CUX1: variants seen among roughly 807,000 people sequenced by gnomAD.
The protein encoded by CUX1 is cut like homeobox 1.
CUX1 carries 31 observed loss-of-function variants against 158.8 expected under a neutral mutation model. The observed-to-expected ratio is 0.20, with a 90% confidence interval of 0.15 to 0.26. The LOEUF (loss-of-function observed/expected upper bound fraction) is 0.26. CUX1 is among the 10% of genes least tolerant of loss of function. The pLI is 1.00. For synonymous variants in CUX1, 879 were observed against 862.1 expected, an observed-to-expected ratio of 1.02 and a Z score of -0.34; for missense variants, 1,589 against 2,014.6, an observed-to-expected ratio of 0.79 and a Z score of 4.04.
intron 8 of CUX1, among the ~76,000 whole-genome samples, chr7:102,129,528 A>G (rs1554496480): frequency 6.6e-6 from 1 of 152,102 alleles, no homozygotes; most frequent in South Asian, 2.1e-4. Flanking sequence ...TACTAAAAAT[A>G]CAAAAATTAG....
intron 2 of CUX1, among the ~76,000 whole-genome samples, chr7:101,944,593 A>G (rs1200383735): frequency 1.3e-5 from 2 of 152,136 alleles, no homozygotes; most frequent in East Asian, 1.9e-4. Context: ...ACTTTGGTGC[A>G]TTTCTCAAAT....
chr7:101,941,235 A>G (rs1435110028), intron 2 of CUX1, among the ~76,000 whole-genome samples: 1 of 152,216 alleles, frequency 6.6e-6, no homozygotes, highest in Non-Finnish European at 1.5e-5. Flanking sequence ...GGGGAGACCC[A>G]GAAGCCATGC....
chr7:101,979,309 G>T (rs1178583660), intron 2 of CUX1, among the ~76,000 whole-genome samples: 1 of 152,328 alleles, frequency 6.6e-6, no homozygotes, highest in Non-Finnish European at 1.5e-5. Context: ...CCTGGAGCAG[G>T]TCATCACCCA....
chr7:102,256,745 G>A lies in CUX1; in HGVS notation c.*7703G>A. ...CTAGAGCCTCTGGTAAGACTTCTGG[G>A]TTCATGAAGTTTCGGCGAGCCGTGG... On this transcript the variant is annotated 3_prime_UTR_variant, in exon 24 of 24. Coordinates refer to ENST00000292535, the MANE Select transcript of CUX1 (RefSeq NM_181552.4). 6.1e-6 allele frequency: 6 copies of A among 985,458 alleles called. No individual in the cohort carries two copies. Among genetic ancestry groups the A allele is most frequent in the Non-Finnish European group, 7.2e-6 (6 of 829,966 alleles). 61.0% of individuals were successfully genotyped at this position (985,458 alleles called of 1,614,324 possible).
chr7:102,144,720 T>C (rs1314599606), intron 8 of CUX1, among the ~76,000 whole-genome samples: 2 of 151,510 alleles, frequency 1.3e-5, no homozygotes, highest in African/African-American at 4.9e-5. Context: ...TTTTTTAATA[T>C]GATCAGGTAA....
At chr7:101,842,362 T>G (rs1462449351) in intron 1 of CUX1, among the ~76,000 whole-genome samples, 1 of 152,244 alleles carries the variant, frequency 6.6e-6, no homozygotes, top group African/African-American at 2.4e-5. Flanking sequence ...CACTGTTTCT[T>G]TGATAATTTT....
At chr7:102,180,369 T>G (rs1792900117) in intron 11 of CUX1, among the ~76,000 whole-genome samples, 1 of 142,024 alleles carries the variant, frequency 7.0e-6, no homozygotes, top group Non-Finnish European at 1.5e-5. Flanking sequence ...CAGACTGGAG[T>G]GCAGTGACAG....
downstream of CUX1, among the ~76,000 whole-genome samples, chr7:102,262,429 T>TGGATGGATGGATGGATGGATGGATG (rs1554544083): frequency 4.0e-5 from 5 of 124,856 alleles, no homozygotes; most frequent in South Asian, 2.4e-4. Flanking sequence ...GATGGATGGA[T>TGGATGGATGGATGGATGGATGGATG]AACTCACAGG....
intron 2 of CUX1, among the ~76,000 whole-genome samples, chr7:101,990,667 G>A (rs1814990259): frequency 1.3e-5 from 2 of 151,958 alleles, no homozygotes; most frequent in Non-Finnish European, 2.9e-5. Context: ...GTGAGTCACC[G>A]CGCCTGGCCC....
chr7:102,174,076 T>A (rs1215888958), intron 10 of CUX1, among the ~76,000 whole-genome samples: 1 of 152,150 alleles, frequency 6.6e-6, no homozygotes, highest in East Asian at 1.9e-4. Flanking sequence ...AGTGAGCTGC[T>A]GGCCCAAGTT....
intron 1 of CUX1, among the ~76,000 whole-genome samples, chr7:101,899,004 G>T (rs952403504): frequency 1.3e-5 from 2 of 152,236 alleles, no homozygotes; most frequent in African/African-American, 4.8e-5. Context: ...GGCTATTTGT[G>T]CATGGCTGCC....
chr7:102,160,079 G>A (rs1391960793), intron 9 of CUX1, among the ~76,000 whole-genome samples: 1 of 152,004 alleles, frequency 6.6e-6, no homozygotes, highest in African/African-American at 2.4e-5. Context: ...TGTTCAGGAG[G>A]CTGAGGCAGG....
intron 1 of CUX1, among the ~76,000 whole-genome samples, chr7:101,898,267 C>G (rs1214670742): frequency 1.3e-5 from 2 of 152,148 alleles, no homozygotes; most frequent in Admixed American, 1.3e-4. Context: ...TCTTTAAGAG[C>G]CTTAAACTAA....
intron 4 of CUX1, among the ~76,000 whole-genome samples, chr7:102,077,101 G>A (rs1309667226): frequency 1.3e-5 from 2 of 151,694 alleles, no homozygotes; most frequent in South Asian, 2.1e-4. Flanking sequence ...TGAATTTTAG[G>A]TGCGATAAGC....
intron 1 of CUX1, among the ~76,000 whole-genome samples, chr7:101,828,720 A>C (rs1793663890): frequency 6.6e-6 from 1 of 152,014 alleles, no homozygotes; most frequent in African/African-American, 2.4e-5. Flanking sequence ...CTCTTCATTT[A>C]GTCTAAGAAA....
chr7:102,281,865 T>C, exon 21 of CUX1: 2 of 1,613,608 alleles, frequency 1.2e-6, no homozygotes, highest in Non-Finnish European at 1.7e-6. Flanking sequence ...TCCAACAAGA[T>C]GGCGCGCACC....
chr7:101,836,323 A>G (rs1226595844), intron 1 of CUX1, among the ~76,000 whole-genome samples: 2 of 152,158 alleles, frequency 1.3e-5, no homozygotes, highest in East Asian at 3.9e-4. Context: ...ACTGCTGTGC[A>G]CAAAGTGATT....
chr7:102,118,673 T>C (rs1294144479), intron 8 of CUX1, among the ~76,000 whole-genome samples: 2 of 152,234 alleles, frequency 1.3e-5, no homozygotes, highest in East Asian at 1.9e-4. Context: ...GAATGAGCTA[T>C]GAGCTGTCCA....
intron 8 of CUX1, among the ~76,000 whole-genome samples, chr7:102,128,568 T>G (rs1554496137): frequency 6.7e-6 from 1 of 150,094 alleles, no homozygotes; most frequent in Non-Finnish European, 1.5e-5. Context: ...ACAGCATGAG[T>G]CACGGTGGGA....
Sources: allele counts gnomAD v4.1 joint callset (sites outside exome capture counted in the v4.1 genomes callset), GRCh38; gene constraint gnomAD v4.1.1; transcripts MANE v1.5; gene names NCBI Gene and HGNC (gene_info 2026-07-23, HGNC 2026-07-21).